The following SHISA9 variants were observed in gnomAD, a reference collection of about 807,000 sequenced individuals.
The protein encoded by SHISA9 is protein shisa-9.
In SHISA9, 13 loss-of-function variants were observed where a neutral mutation model predicts 38.0. The ratio of observed to expected loss-of-function variants is 0.34; its 90% CI spans 0.22 to 0.54. SHISA9 has a LOEUF of 0.54. SHISA9 is among the 20% of genes least tolerant of loss of function. The pLI, the probability that SHISA9 is intolerant of heterozygous loss-of-function variation, is 0.91. For synonymous variants in SHISA9, 275 were observed against 242.0 expected (o/e 1.14, Z -1.27); for missense variants, 538 against 575.8 (o/e 0.93, Z 0.67).
chr16:13,203,689 C>T, intron 3 of SHISA9, 140 bp downstream of exon 3: 1 of 911,020 alleles, frequency 1.1e-6, no homozygotes, highest in Non-Finnish European at 1.6e-6. Context: ...TTTTCTCTGC[C>T]TCTATCTCAT....
At chr16:13,039,316 G>A (rs750686404) in intron 2 of SHISA9, among the ~76,000 whole-genome samples, 14 of 152,110 alleles carry the variant, frequency 9.2e-5, no homozygotes, top group Non-Finnish European at 2.1e-4. Context: ...CTCAGGATAG[G>A]GATATTACAC....
the SHISA9 span, among the ~76,000 whole-genome samples, chr16:13,370,593 C>T: frequency 2.6e-5 from 4 of 152,156 alleles, no homozygotes; most frequent in Non-Finnish European, 2.9e-5. Flanking sequence ...CCTAATTGTA[C>T]GGAAATGAGA....
intron 4 of SHISA9, among the ~76,000 whole-genome samples, chr16:13,226,578 G>C (rs1053598258): frequency 2.0e-5 from 3 of 152,180 alleles, no homozygotes; most frequent in African/African-American, 7.2e-5. Flanking sequence ...GTTATCAACT[G>C]CTGCATAACA....
the SHISA9 span, among the ~76,000 whole-genome samples, chr16:13,247,649 T>C: frequency 1.3e-5 from 2 of 152,226 alleles, no homozygotes; most frequent in Non-Finnish European, 2.9e-5. Context: ...GGCATCTCAC[T>C]TATTTTCTTG....
chr16:13,450,840 G>A, the SHISA9 span, among the ~76,000 whole-genome samples: 1 of 152,154 alleles, frequency 6.6e-6, no homozygotes, highest in African/African-American at 2.4e-5. Context: ...TATTAGGCTT[G>A]AAAATTTCTT....
chr16:13,363,146 T>C, the SHISA9 span, among the ~76,000 whole-genome samples: 1 of 152,200 alleles, frequency 6.6e-6, no homozygotes, highest in Non-Finnish European at 1.5e-5. Flanking sequence ...CCAGAGTCTA[T>C]ATGGGTAAAC....
chr16:13,136,281 C>G (rs541201976), intron 2 of SHISA9, among the ~76,000 whole-genome samples: 1 of 151,496 alleles, frequency 6.6e-6, no homozygotes, highest in East Asian at 1.9e-4. Flanking sequence ...ATTAAATGAA[C>G]TATTTTATAA....
At chr16:13,137,909 T>A (rs2050364315) in intron 2 of SHISA9, among the ~76,000 whole-genome samples, 1 of 152,212 alleles carries the variant, frequency 6.6e-6, no homozygotes, top group Non-Finnish European at 1.5e-5. Flanking sequence ...TTTTCATGGC[T>A]AACTCGTATT....
the SHISA9 span, among the ~76,000 whole-genome samples, chr16:13,284,750 A>C: frequency 6.6e-6 from 1 of 152,112 alleles, no homozygotes; most frequent in Non-Finnish European, 1.5e-5. Context: ...GGTACGTGCC[A>C]CCATGCCGGG....
the SHISA9 span, among the ~76,000 whole-genome samples, chr16:13,469,385 G>GAAAAGAA: frequency 7.2e-4 from 66 of 91,268 alleles, no homozygotes; most frequent in Admixed American, 1.4e-3. Flanking sequence ...AAGAAAGAAA[G>GAAAAGAA]AAAGAAAGAA....
chr16:13,479,326 A>G, the SHISA9 span, among the ~76,000 whole-genome samples: 1 of 152,160 alleles, frequency 6.6e-6, no homozygotes, highest in East Asian at 1.9e-4. Flanking sequence ...TGTAGGTAGC[A>G]TATTCATAGG....
At chr16:13,558,798 G>A in the SHISA9 span, among the ~76,000 whole-genome samples, 10 of 152,262 alleles carry the variant, frequency 6.6e-5, no homozygotes, top group East Asian at 3.9e-4. Flanking sequence ...TTTGTTTATC[G>A]TATGACAGCT....
chr16:13,552,773 A>G, the SHISA9 span, among the ~76,000 whole-genome samples: 5 of 151,932 alleles, frequency 3.3e-5, no homozygotes, highest in Admixed American at 2.0e-4. Flanking sequence ...AGCCAGACCC[A>G]CTTCACAAGG....
rs546046747 is a variant in SHISA9 at position 13,091,926 on chromosome 16, C to T, written c.692-111468C>T. Reference sequence around the variant, plus strand: ...CAGCTTTTCTGCTCTGGTTTCTCCCCATCTATGTGGTTTTACCTACCTTTG... The same window carrying T: ...CAGCTTTTCTGCTCTGGTTTCTCCCTATCTATGTGGTTTTACCTACCTTTG... On this transcript the variant is annotated intron_variant, in intron 2 of 4. Coordinates refer to ENST00000558583, the MANE Select transcript of SHISA9 (RefSeq NM_001145204.3). Among the ~76,000 whole-genome samples, 176 of 152,318 alleles carry T rather than the reference C, an allele frequency of 1.2e-3. 1 individual carries two copies. The highest frequency in any genetic ancestry group is 3.9e-3 in the African/African-American group (164 of 41,576).
At chr16:13,060,914 C>T (rs780164504) in intron 2 of SHISA9, among the ~76,000 whole-genome samples, 13 of 152,124 alleles carry the variant, frequency 8.5e-5, no homozygotes, top group Non-Finnish European at 1.6e-4. Flanking sequence ...CTTGCTTCTT[C>T]CTAGTCCAAA....
At chr16:13,560,988 C>T in the SHISA9 span, among the ~76,000 whole-genome samples, 2 of 152,020 alleles carry the variant, frequency 1.3e-5, no homozygotes, top group Non-Finnish European at 2.9e-5. Flanking sequence ...CTCAGCCTCC[C>T]GAGTAGCTGG....
the SHISA9 span, among the ~76,000 whole-genome samples, chr16:13,426,704 C>T: frequency 6.6e-6 from 1 of 152,200 alleles, no homozygotes; most frequent in Non-Finnish European, 1.5e-5. Flanking sequence ...AGCTTCTTCA[C>T]TTAGGGCATC....
intron 2 of SHISA9, among the ~76,000 whole-genome samples, chr16:13,136,796 C>A (rs1055711278): frequency 6.6e-6 from 1 of 152,080 alleles, no homozygotes; most frequent in Non-Finnish European, 1.5e-5. Flanking sequence ...GGAAAAATTA[C>A]GGCAGCCTTT....
chr16:12,966,785 T>C (rs1180691955), intron 2 of SHISA9, among the ~76,000 whole-genome samples: 3 of 152,150 alleles, frequency 2.0e-5, no homozygotes, highest in African/African-American at 7.2e-5. Flanking sequence ...AAAAGAAGCC[T>C]TGGAGGAAGA....
Sources: allele counts gnomAD v4.1 joint callset (sites outside exome capture counted in the v4.1 genomes callset), GRCh38; gene constraint gnomAD v4.1.1; transcripts MANE v1.5; gene names NCBI Gene and HGNC (gene_info 2026-07-23, HGNC 2026-07-21).